PPP1R9A: variants seen among roughly 807,000 people sequenced by gnomAD.
PPP1R9A encodes the protein protein phosphatase 1 regulatory subunit 9A.
PPP1R9A carries 59 observed loss-of-function variants against 141.9 expected under a neutral mutation model. The observed-to-expected ratio is 0.42, with a 90% CI of 0.34 to 0.52. PPP1R9A has a LOEUF of 0.52. Among genes scored for constraint, PPP1R9A ranks in the 20% least tolerant of loss-of-function variants. The probability of loss-of-function intolerance (pLI) is 0.10; values close to 1 mark genes in which losing one functional copy is unlikely to be tolerated. For synonymous variants in PPP1R9A, 500 were observed against 569.7 expected (o/e 0.88, Z 1.74); for missense variants, 1,444 against 1,611.9 (o/e 0.90, Z 1.78).
intron 7 of PPP1R9A, among the ~76,000 whole-genome samples, chr7:95,207,950 A>G (rs1791200666): frequency 6.6e-6 from 1 of 152,198 alleles, no homozygotes; most frequent in Admixed American, 6.5e-5. Flanking sequence ...AAGTGTATAA[A>G]ATAGGACAAA....
At chr7:95,236,482 A>ATTC (rs1396962184) in intron 8 of PPP1R9A, among the ~76,000 whole-genome samples, 2 of 151,840 alleles carry the variant, frequency 1.3e-5, no homozygotes, top group African/African-American at 2.4e-5. Context: ...TTTTCAAGAA[A>ATTC]TGTAGATATT....
intron 2 of PPP1R9A, among the ~76,000 whole-genome samples, chr7:94,985,456 G>GT (rs1800700251): frequency 6.6e-6 from 1 of 152,024 alleles, no homozygotes. Flanking sequence ...GTGTGGGAGT[G>GT]TAAGTCTCTT....
intron 5 of PPP1R9A, among the ~76,000 whole-genome samples, chr7:95,177,340 G>A (rs1028910199): frequency 7.9e-5 from 12 of 151,998 alleles, no homozygotes; most frequent in African/African-American, 2.7e-4. Flanking sequence ...CCACTAACAA[G>A]CCACCACTAC....
chr7:95,056,711 A>G (rs2152042335), intron 2 of PPP1R9A, among the ~76,000 whole-genome samples: 1 of 152,214 alleles, frequency 6.6e-6, no homozygotes, highest in African/African-American at 2.4e-5. Context: ...TTACAGCTGT[A>G]TGTAATATGA....
chr7:95,085,697 G>A (rs1403552586), intron 2 of PPP1R9A, among the ~76,000 whole-genome samples: 2 of 152,038 alleles, frequency 1.3e-5, no homozygotes, highest in African/African-American at 4.8e-5. Context: ...TTACAGGCAT[G>A]AGCCACTGCA....
chr7:95,232,002 C>T (rs1325134516), intron 8 of PPP1R9A, among the ~76,000 whole-genome samples: 3 of 151,900 alleles, frequency 2.0e-5, no homozygotes, highest in African/African-American at 7.3e-5. Context: ...GCGAGATTAA[C>T]CAAGAAAAGA....
intron 4 of PPP1R9A, among the ~76,000 whole-genome samples, chr7:95,124,221 A>C (rs1563271600): frequency 6.6e-6 from 1 of 152,206 alleles, no homozygotes; most frequent in East Asian, 1.9e-4. Context: ...ATCAACATAC[A>C]AAAGTGCAGT....
At chr7:94,933,555 C>T (rs1004393561) in intron 2 of PPP1R9A, among the ~76,000 whole-genome samples, 14 of 152,082 alleles carry the variant, frequency 9.2e-5, no homozygotes, top group African/African-American at 3.1e-4. Flanking sequence ...GTGCTAAGGA[C>T]GAATGGCATC....
intron 2 of PPP1R9A, among the ~76,000 whole-genome samples, chr7:94,996,210 T>C (rs1460228952): frequency 1.3e-5 from 2 of 152,168 alleles, no homozygotes; most frequent in Non-Finnish European, 2.9e-5. Context: ...TAGCTGAAAC[T>C]TTAACATCTC....
In PPP1R9A at chr7:95,203,768, T is replaced by G. The variant is rs1412832421; in HGVS notation, c.1956+38T>G. On this transcript the variant is annotated intron_variant, in intron 7 of 19. Transcript: ENST00000433360. ...GTTTAAAGTAATGCTTACCTGTACTTTCCTGCTTCATATGTAAAATTAAAT... is the reference window on the plus strand; with the variant it reads ...GTTTAAAGTAATGCTTACCTGTACTGTCCTGCTTCATATGTAAAATTAAAT... 4 of 1,377,644 alleles carry G rather than the reference T, an allele frequency of 2.9e-6. No individual in the cohort carries two copies. The South Asian group carries it at 5.1e-5, about 18-fold the overall frequency. 85.3% of individuals were successfully genotyped at this position (1,377,644 alleles called of 1,614,324 possible). A position where few individuals can be genotyped will look rare whatever the true frequency, so the allele number is the denominator to read the frequency against.
chr7:95,061,763 G>A (rs958016858), intron 2 of PPP1R9A, among the ~76,000 whole-genome samples: 1 of 152,130 alleles, frequency 6.6e-6, no homozygotes, highest in African/African-American at 2.4e-5. Flanking sequence ...AAAGAGCCAT[G>A]GCTTTGTCTG....
intron 2 of PPP1R9A, among the ~76,000 whole-genome samples, chr7:94,958,214 C>T (rs1451455615): frequency 6.6e-6 from 1 of 152,054 alleles, no homozygotes; most frequent in East Asian, 1.9e-4. Context: ...GATAGTTTCT[C>T]ACCTCCAAAC....
At chr7:94,965,085 G>A (rs1335968881) in intron 2 of PPP1R9A, among the ~76,000 whole-genome samples, 1 of 151,058 alleles carries the variant, frequency 6.6e-6, no homozygotes, top group Admixed American at 6.6e-5. Context: ...GTGATGATGA[G>A]CTTATGTTTG....
chr7:95,203,616 C>T lies in PPP1R9A; in HGVS notation c.1891-49C>T, dbSNP rs953666102. 1.5e-5 allele frequency: 21 copies of T among 1,385,700 alleles called. No individual in the cohort carries two copies. In the East Asian group the frequency reaches 5.2e-4, roughly 35 times the overall value. The allele number at this position is 1,385,700 out of a possible 1,614,324, so 85.8% of individuals were successfully genotyped here. ...TTTCAATCCTTTATCAGGCTGCTCT[C>T]TGCGGTGGGGGTTAAGCCTTCTTTA... On this transcript the variant is annotated intron_variant, in intron 6 of 19. Coordinates refer to ENST00000433360, the MANE Select transcript of PPP1R9A (RefSeq NM_001166160.2).
intron 2 of PPP1R9A, among the ~76,000 whole-genome samples, chr7:95,016,002 A>G (rs1805050545): frequency 6.6e-6 from 1 of 152,150 alleles, no homozygotes; most frequent in African/African-American, 2.4e-5. Context: ...ACAGTGAACC[A>G]TGATTGCGCT....
At chr7:95,146,274 GT>G (rs1431593459) in intron 4 of PPP1R9A, among the ~76,000 whole-genome samples, 1 of 152,160 alleles carries the variant, frequency 6.6e-6, no homozygotes, top group Non-Finnish European at 1.5e-5. Flanking sequence ...GTTTTCATAA[GT>G]TTTTTGGCCA....
intron 7 of PPP1R9A, among the ~76,000 whole-genome samples, chr7:95,214,026 A>G (rs1792737788): frequency 6.6e-6 from 1 of 152,130 alleles, no homozygotes; most frequent in African/African-American, 2.4e-5. Flanking sequence ...TCTTGCTCCA[A>G]TACACTCTTC....
At chr7:95,025,511 C>T (rs916356779) in intron 2 of PPP1R9A, among the ~76,000 whole-genome samples, 5 of 152,102 alleles carry the variant, frequency 3.3e-5, no homozygotes, top group African/African-American at 1.2e-4. Flanking sequence ...AACATTTTTT[C>T]CTTTATTTCA....
chr7:94,909,852 T>C, intron 1 of PPP1R9A, 46 bp from the exon 2 acceptor site: 1 of 312,122 alleles, frequency 3.2e-6, no homozygotes, highest in Non-Finnish European at 5.9e-6. Flanking sequence ...TAGACATAAA[T>C]TCAAATAAGT....
Sources: allele counts gnomAD v4.1 joint callset (sites outside exome capture counted in the v4.1 genomes callset), GRCh38; gene constraint gnomAD v4.1.1; transcripts MANE v1.5; gene names NCBI Gene and HGNC (gene_info 2026-07-23, HGNC 2026-07-21).